The following CTNNA3 variants were observed in gnomAD, a reference collection of about 807,000 sequenced individuals.
The protein encoded by CTNNA3 is catenin alpha-3.
Under a neutral mutation model 95.7 loss-of-function variants are expected in CTNNA3, and 76 were observed. That is an observed-to-expected ratio of 0.79 (90% confidence interval 0.66 to 0.96). The LOEUF (loss-of-function observed/expected upper bound fraction) is 0.96. Among genes scored for constraint, CTNNA3 ranks in the 40% least tolerant of loss-of-function variants. The probability of loss-of-function intolerance (pLI) is 0.00; values close to 1 mark genes in which losing one functional copy is unlikely to be tolerated. For synonymous variants in CTNNA3, 431 were observed against 374.4 expected (o/e 1.15, Z -1.74); for missense variants, 1,191 against 1,089.8 (o/e 1.09, Z -1.31).
chr10:66,386,761 G>T (rs2092896237), intron 11 of CTNNA3, among the ~76,000 whole-genome samples: 1 of 152,080 alleles, frequency 6.6e-6, no homozygotes, highest in East Asian at 1.9e-4. Flanking sequence ...ATAGACCAAT[G>T]GAACAGAACA....
chr10:67,681,806 C>A (rs995727478), intron 1 of CTNNA3, among the ~76,000 whole-genome samples: 10 of 151,892 alleles, frequency 6.6e-5, no homozygotes, highest in Non-Finnish European at 1.3e-4. Flanking sequence ...TGGGGAAATA[C>A]CTGGAACATA....
At chr10:66,836,528 T>C (rs929982231) in intron 7 of CTNNA3, among the ~76,000 whole-genome samples, 5 of 152,126 alleles carry the variant, frequency 3.3e-5, no homozygotes, top group Admixed American at 6.6e-5. Context: ...GAAAACGGGA[T>C]ACCATAAAAG....
chr10:66,830,633 G>A (rs1477656416), intron 7 of CTNNA3, among the ~76,000 whole-genome samples: 1 of 150,138 alleles, frequency 6.7e-6, no homozygotes, highest in Non-Finnish European at 1.5e-5. Flanking sequence ...TTTTTGAGAC[G>A]GAGTCTAGCT....
chr10:66,377,484 A>T (rs956175193), intron 12 of CTNNA3, among the ~76,000 whole-genome samples: 1 of 152,080 alleles, frequency 6.6e-6, no homozygotes, highest in Non-Finnish European at 1.5e-5. Flanking sequence ...TTCTGATCTC[A>T]GAGTGATTGC....
At chr10:66,244,386 G>A (rs1324763038) in intron 13 of CTNNA3, among the ~76,000 whole-genome samples, 1 of 152,176 alleles carries the variant, frequency 6.6e-6, no homozygotes, top group Non-Finnish European at 1.5e-5. Flanking sequence ...AGAGCCCTAG[G>A]TCCTTGAGGG....
intron 5 of CTNNA3, among the ~76,000 whole-genome samples, chr10:67,315,868 T>C (rs549949510): frequency 6.6e-6 from 1 of 152,168 alleles, no homozygotes; most frequent in South Asian, 2.1e-4. Context: ...TTTAATATGT[T>C]AACTTTGTGC....
rs182514045 is a variant in CTNNA3, at chr10:66,800,792, C to A, written c.1048-25268G>T. ...CTACGTAGATTTATACATTGTCTTA[C>A]AAGTATTTTTATTTGCTGAAACAAA... On this transcript the variant is annotated intron_variant, in intron 7 of 17. Transcript: ENST00000433211. Among the ~76,000 whole-genome samples the A allele has an allele frequency of 1.0e-3, 156 of 151,294 alleles. 1 individual carries two copies. Among genetic ancestry groups the A allele is most frequent in the Middle Eastern group, 3.4e-3 (1 of 294 alleles).
At chr10:67,246,103 C>T (rs569793156) in intron 5 of CTNNA3, among the ~76,000 whole-genome samples, 9 of 152,256 alleles carry the variant, frequency 5.9e-5, no homozygotes, top group Admixed American at 1.3e-4. Context: ...AGGTCAACTG[C>T]GTATGACTGC....
chr10:67,341,426 A>G (rs1842185612), intron 5 of CTNNA3, among the ~76,000 whole-genome samples: 1 of 152,134 alleles, frequency 6.6e-6, no homozygotes, highest in Non-Finnish European at 1.5e-5. Flanking sequence ...AGATCCCACA[A>G]ATAAGTGAGA....
chr10:66,827,235 C>T (rs1241592818), intron 7 of CTNNA3, among the ~76,000 whole-genome samples: 1 of 152,120 alleles, frequency 6.6e-6, no homozygotes, highest in East Asian at 1.9e-4. Context: ...GCAATTTTTA[C>T]TCCTTTTGTT....
At chr10:65,961,218 C>T (rs2077835477) in intron 17 of CTNNA3, among the ~76,000 whole-genome samples, 3 of 152,048 alleles carry the variant, frequency 2.0e-5, no homozygotes, top group Non-Finnish European at 4.4e-5. Flanking sequence ...TTCTTTCTTT[C>T]TCTCTCTTTT....
Position 66,061,890 on chromosome 10 carries a change from T to C in CTNNA3, c.2159+7418A>G, listed in dbSNP as rs141503804. On this transcript the variant is annotated intron_variant, in intron 15 of 17. Transcript: ENST00000433211. ...GAACATTTAACAGTTTAACAACACA[T>C]AACATAATTATTGTTATCTCTGATG... Among the ~76,000 whole-genome samples the C allele has an allele frequency of 6.8e-4, 103 of 152,296 alleles. 1 individual carries two copies. The highest frequency in any genetic ancestry group is 2.3e-3 in the African/African-American group (97 of 41,578).
At chr10:67,697,617 G>A (rs1467382203), upstream of CTNNA3, among the ~76,000 whole-genome samples, 1 of 152,164 alleles carries the variant, frequency 6.6e-6, no homozygotes, top group Non-Finnish European at 1.5e-5. Context: ...GATAAAAGCT[G>A]AAGAGCTTTA....
intron 7 of CTNNA3, among the ~76,000 whole-genome samples, chr10:66,957,397 T>TATATATATATATGC (rs1564793769): frequency 2.7e-5 from 1 of 36,834 alleles, no homozygotes; most frequent in Admixed American, 3.4e-4. Flanking sequence ...TATATACATA[T>TATATATATATATGC]ATATATATAT....
intron 5 of CTNNA3, among the ~76,000 whole-genome samples, chr10:67,391,937 A>C (rs533793152): frequency 6.6e-6 from 1 of 151,290 alleles, no homozygotes; most frequent in Admixed American, 6.6e-5. Flanking sequence ...CGTTAGACCT[A>C]AAACCATAAA....
intron 13 of CTNNA3, among the ~76,000 whole-genome samples, chr10:66,125,088 C>T (rs1589474875): frequency 6.6e-6 from 1 of 152,192 alleles, no homozygotes; most frequent in East Asian, 1.9e-4. Flanking sequence ...ATCACCAGCA[C>T]ATCTGCCCTT....
At chr10:66,031,799 A>C (rs1055579593) in intron 15 of CTNNA3, among the ~76,000 whole-genome samples, 2 of 152,338 alleles carry the variant, frequency 1.3e-5, no homozygotes, top group Non-Finnish European at 2.9e-5. Flanking sequence ...GGAAGGTAGA[A>C]AGTGGTCAGA....
At chr10:67,683,537 C>A (rs2133572845) in intron 1 of CTNNA3, among the ~76,000 whole-genome samples, 1 of 152,316 alleles carries the variant, frequency 6.6e-6, no homozygotes, top group East Asian at 1.9e-4. Flanking sequence ...GAACTGATGC[C>A]ACCCCTAGAG....
intron 9 of CTNNA3, among the ~76,000 whole-genome samples, chr10:66,637,507 A>C (rs1845376646): frequency 6.6e-6 from 1 of 152,218 alleles, no homozygotes; most frequent in South Asian, 2.1e-4. Flanking sequence ...CCTGTTTCAG[A>C]AGGCTGGCTT....
Sources: gnomAD v4.1 joint callset for allele counts (sites outside exome capture counted in the v4.1 genomes callset) on GRCh38, gnomAD v4.1.1 for gene constraint, MANE v1.5 for transcripts, NCBI Gene and HGNC (gene_info 2026-07-23, HGNC 2026-07-21) for gene names.